The following SLC9A9 variants were observed in gnomAD, a reference collection of about 807,000 sequenced individuals.
The protein encoded by SLC9A9 is solute carrier family 9 member A9.
SLC9A9 carries 62 observed loss-of-function variants against 77.8 expected under a neutral mutation model. That is an observed-to-expected ratio of 0.80 (90% CI 0.65 to 0.98). The LOEUF (loss-of-function observed/expected upper bound fraction) is 0.98, where lower values mean the gene tolerates loss of function less well. SLC9A9 is among the 50% of genes least tolerant of loss of function. The pLI is 0.00. For synonymous variants in SLC9A9, 320 were observed against 283.5 expected, an observed-to-expected ratio of 1.13 and a Z score of -1.29; for missense variants, 775 against 774.9, an observed-to-expected ratio of 1.00 and a Z score of 0.00.
At chr3:143,842,421 A>G (rs2009731914) in intron 1 of SLC9A9, among the ~76,000 whole-genome samples, 1 of 152,166 alleles carries the variant, frequency 6.6e-6, no homozygotes, top group Admixed American at 6.5e-5. Flanking sequence ...AAAAACATAA[A>G]AAAACATACA....
intron 12 of SLC9A9, among the ~76,000 whole-genome samples, chr3:143,461,686 A>T (rs1525010): frequency 6.6e-6 from 1 of 152,024 alleles, no homozygotes; most frequent in African/African-American, 2.4e-5. Flanking sequence ...CTAACTCCAC[A>T]GTATATGTGT....
intron 4 of SLC9A9, among the ~76,000 whole-genome samples, chr3:143,776,692 T>C (rs893213494): frequency 6.6e-6 from 1 of 152,206 alleles, no homozygotes; most frequent in African/African-American, 2.4e-5. Flanking sequence ...TGATTAGATA[T>C]TAATTTAAAA....
At chr3:143,286,032 AG>A (rs1194048367) in intron 14 of SLC9A9, among the ~76,000 whole-genome samples, 2 of 152,158 alleles carry the variant, frequency 1.3e-5, no homozygotes, top group Admixed American at 1.3e-4. Flanking sequence ...CTGGAATATC[AG>A]GGTTAGTAAT....
chr3:143,650,316 G>C (rs2038776506), intron 6 of SLC9A9, among the ~76,000 whole-genome samples: 1 of 152,246 alleles, frequency 6.6e-6, no homozygotes. Flanking sequence ...CAGAGAGTGT[G>C]TGGAGATAAG....
intron 12 of SLC9A9, among the ~76,000 whole-genome samples, chr3:143,406,019 A>G (rs1317140355): frequency 2.0e-5 from 3 of 152,182 alleles, no homozygotes; most frequent in Admixed American, 6.5e-5. Flanking sequence ...GGCATTCTGG[A>G]AGTCTTGCTT....
At chr3:143,363,999 T>C (rs944814872) in intron 13 of SLC9A9, among the ~76,000 whole-genome samples, 1 of 152,190 alleles carries the variant, frequency 6.6e-6, no homozygotes, top group African/African-American at 2.4e-5. Context: ...GATAGATTAT[T>C]ACCAAAGGCT....
intron 5 of SLC9A9, among the ~76,000 whole-genome samples, chr3:143,686,687 C>A (rs1397769204): frequency 1.3e-5 from 2 of 152,090 alleles, no homozygotes; most frequent in Non-Finnish European, 2.9e-5. Context: ...ACTTGTTAAT[C>A]AAAATTGTTA....
At chr3:143,658,265 C>A (rs1222697258) in intron 5 of SLC9A9, among the ~76,000 whole-genome samples, 1 of 152,210 alleles carries the variant, frequency 6.6e-6, no homozygotes, top group Non-Finnish European at 1.5e-5. Flanking sequence ...TCTTGAGAAC[C>A]ACTGCCCTAA....
intron 6 of SLC9A9, among the ~76,000 whole-genome samples, chr3:143,647,142 C>A (rs1211965377): frequency 6.6e-6 from 1 of 152,126 alleles, no homozygotes; most frequent in Non-Finnish European, 1.5e-5. Context: ...TATGTTTAAT[C>A]CCATCCTGTG....
chr3:143,700,849 A>G (rs1460744076), intron 4 of SLC9A9, among the ~76,000 whole-genome samples: 2 of 152,252 alleles, frequency 1.3e-5, no homozygotes, highest in Admixed American at 1.3e-4. Flanking sequence ...GCCTTGGGCA[A>G]GACCCAGTGC....
At chr3:143,625,755 A>G (rs889921685) in intron 6 of SLC9A9, among the ~76,000 whole-genome samples, 5 of 152,252 alleles carry the variant, frequency 3.3e-5, no homozygotes, top group African/African-American at 1.2e-4. Context: ...AAAAGCCAAA[A>G]TTGACAAATG....
At chr3:143,816,752 C>T (rs1172189386) in intron 2 of SLC9A9, among the ~76,000 whole-genome samples, 1 of 152,130 alleles carries the variant, frequency 6.6e-6, no homozygotes, top group African/African-American at 2.4e-5. Context: ...AGAGGGGCTA[C>T]CCAATTTACA....
At chr3:143,594,872 T>C (rs1231509065) in intron 6 of SLC9A9, among the ~76,000 whole-genome samples, 1 of 152,228 alleles carries the variant, frequency 6.6e-6, no homozygotes, top group Non-Finnish European at 1.5e-5. Flanking sequence ...AAAATGTTTA[T>C]GTTTGAAAGG....
At chr3:143,392,380 G>C (rs893120302) in intron 12 of SLC9A9, among the ~76,000 whole-genome samples, 3 of 152,146 alleles carry the variant, frequency 2.0e-5, no homozygotes, top group Admixed American at 1.3e-4. Context: ...AAATAAAATC[G>C]TTTACAGACA....
intron 5 of SLC9A9, among the ~76,000 whole-genome samples, chr3:143,668,504 G>C (rs368354963): frequency 1.4e-4 from 22 of 152,162 alleles, no homozygotes; most frequent in Admixed American, 3.9e-4. Flanking sequence ...AATAAAAAAA[G>C]AAAGTAGCAT....
chr3:143,620,867 C>G (rs187431200), intron 6 of SLC9A9, among the ~76,000 whole-genome samples: 1 of 152,126 alleles, frequency 6.6e-6, no homozygotes, highest in African/African-American at 2.4e-5. Flanking sequence ...CTTTCCTAGT[C>G]GAAGAAAGGG....
At chr3:143,756,523 A>G (rs997817131) in intron 4 of SLC9A9, among the ~76,000 whole-genome samples, 1 of 152,224 alleles carries the variant, frequency 6.6e-6, no homozygotes, top group South Asian at 2.1e-4. Context: ...ACATCTGAAT[A>G]TCAATGTCCA....
intron 6 of SLC9A9, among the ~76,000 whole-genome samples, chr3:143,626,402 G>A (rs2108721252): frequency 6.6e-6 from 1 of 152,318 alleles, no homozygotes; most frequent in South Asian, 2.1e-4. Context: ...TTAAGAAAAT[G>A]TGGCACATAT....
chr3:143,608,149 G>A (rs1347608040), intron 6 of SLC9A9, among the ~76,000 whole-genome samples: 1 of 152,178 alleles, frequency 6.6e-6, no homozygotes, highest in Non-Finnish European at 1.5e-5. Flanking sequence ...AAAGCAAGTT[G>A]TAAAAGGATA....
Sources: gnomAD v4.1 joint callset for allele counts (sites outside exome capture counted in the v4.1 genomes callset) on GRCh38, gnomAD v4.1.1 for gene constraint, MANE v1.5 for transcripts, NCBI Gene and HGNC (gene_info 2026-07-23, HGNC 2026-07-21) for gene names.